The following CSMD1 variants were observed in gnomAD, a reference collection of about 807,000 sequenced individuals.
CSMD1 encodes CUB and Sushi multiple domains 1.
CSMD1 carries 213 observed loss-of-function variants against 417.5 expected under a neutral mutation model. The observed-to-expected ratio is 0.51, with a 90% CI of 0.46 to 0.57. CSMD1 has a LOEUF of 0.57. CSMD1 is among the 20% of genes least tolerant of loss of function. The pLI, the probability that CSMD1 is intolerant of heterozygous loss-of-function variation, is 0.00. For synonymous variants in CSMD1, 2,862 were observed against 1,736.8 expected (o/e 1.65, Z -16.11); for missense variants, 6,923 against 4,529.7 (o/e 1.53, Z -15.17).
intron 2 of CSMD1, among the ~76,000 whole-genome samples, chr8:4,535,479 GTA>G (rs1342082316): frequency 1.3e-5 from 2 of 152,174 alleles, no homozygotes; most frequent in East Asian, 3.9e-4. Flanking sequence ...TTTTGATGAA[GTA>G]TATGTGTTTC....
chr8:4,057,042 T>C (rs1250724261), intron 3 of CSMD1, among the ~76,000 whole-genome samples: 1 of 152,312 alleles, frequency 6.6e-6, no homozygotes, highest in African/African-American at 2.4e-5. Flanking sequence ...GTCCTTTGGG[T>C]ATGTACCCAG....
At chr8:3,705,666 C>T (rs1395701751) in intron 7 of CSMD1, among the ~76,000 whole-genome samples, 2 of 152,348 alleles carry the variant, frequency 1.3e-5, no homozygotes, top group African/African-American at 2.4e-5. Flanking sequence ...AGACATTTTC[C>T]ATAAATCTTC....
intron 26 of CSMD1, among the ~76,000 whole-genome samples, chr8:3,255,315 C>T (rs1415061155): frequency 6.6e-6 from 1 of 152,118 alleles, no homozygotes; most frequent in East Asian, 1.9e-4. Flanking sequence ...TCTCGGGGGA[C>T]AGGGACCCAC....
At chr8:3,486,830 C>T (rs1818064982) in intron 11 of CSMD1, among the ~76,000 whole-genome samples, 1 of 152,214 alleles carries the variant, frequency 6.6e-6, no homozygotes, top group South Asian at 2.1e-4. Context: ...TGCTGAAGCC[C>T]AGTGGTTTGT....
At chr8:3,883,293 G>C (rs562202608) in intron 5 of CSMD1, among the ~76,000 whole-genome samples, 1 of 152,050 alleles carries the variant, frequency 6.6e-6, no homozygotes, top group Non-Finnish European at 1.5e-5. Context: ...CATGTTTACT[G>C]TGAGAACTGA....
intron 7 of CSMD1, among the ~76,000 whole-genome samples, chr8:3,698,261 C>T (rs923166240): frequency 8.5e-5 from 13 of 152,134 alleles, no homozygotes; most frequent in Admixed American, 5.9e-4. Flanking sequence ...ATTTACTTAC[C>T]TGACTGATGA....
In CSMD1 at chr8:4,282,012, C is replaced by T. The variant is rs551076603; in HGVS notation, c.415+137941G>A. On this transcript the variant is annotated intron_variant, in intron 3 of 69. Transcript: ENST00000635120. The stretch of plus-strand genomic sequence containing the variant: ...CTATAGCAAGGTGAATTCATGTTCT[C>T]TTGAGATGTGATTAGCCTTTGTTAT... Among the ~76,000 whole-genome samples the T allele has an allele frequency of 3.9e-5, 6 of 152,292 alleles. No individual in the cohort carries two copies. The East Asian group carries it at 1.2e-3, about 29-fold the overall frequency.
intron 2 of CSMD1, among the ~76,000 whole-genome samples, chr8:4,473,391 T>A (rs1352146739): frequency 6.6e-6 from 1 of 152,188 alleles, no homozygotes; most frequent in Non-Finnish European, 1.5e-5. Flanking sequence ...CTTACCCCAT[T>A]CTCATTGTAG....
Position 3,658,325 on chromosome 8 carries a change from T to C in CSMD1, c.1010-41528A>G, listed in dbSNP as rs1798233242. Among the ~76,000 whole-genome samples the C allele has an allele frequency of 2.0e-5, 3 of 152,026 alleles. No homozygotes were observed. The South Asian group carries it at 6.2e-4, about 32-fold the overall frequency. On this transcript the variant is annotated intron_variant, in intron 7 of 69. Transcript: ENST00000635120. ...CAATGGATTTAGCATATAGATTTAC[T>C]TAAATCACTACTCAACTTTAAATAC... is the stretch of plus-strand genomic sequence containing the variant.
At chr8:4,540,969 A>G (rs1209513473) in intron 2 of CSMD1, among the ~76,000 whole-genome samples, 1 of 152,228 alleles carries the variant, frequency 6.6e-6, no homozygotes, top group African/African-American at 2.4e-5. Flanking sequence ...GGTTAATAGC[A>G]CAGGTAAAGG....
intron 3 of CSMD1, among the ~76,000 whole-genome samples, chr8:4,221,954 G>T (rs1285080732): frequency 1.3e-5 from 2 of 152,028 alleles, no homozygotes; most frequent in East Asian, 1.9e-4. Flanking sequence ...ACACTGTCCA[G>T]CACATCCATC....
intron 3 of CSMD1, among the ~76,000 whole-genome samples, chr8:4,043,636 T>C (rs1033012197): frequency 6.6e-6 from 1 of 152,232 alleles, no homozygotes; most frequent in African/African-American, 2.4e-5. Context: ...GAAATGCATT[T>C]TTTAATTCTA....
At chr8:3,684,341 T>C (rs915538051) in intron 7 of CSMD1, among the ~76,000 whole-genome samples, 3 of 146,336 alleles carry the variant, frequency 2.1e-5, no homozygotes, top group Non-Finnish European at 4.5e-5. Context: ...ATATATTATA[T>C]AAAACATACA....
At chr8:3,074,261 T>G (rs1425668828) in intron 49 of CSMD1, among the ~76,000 whole-genome samples, 1 of 152,152 alleles carries the variant, frequency 6.6e-6, no homozygotes, top group Non-Finnish European at 1.5e-5. Context: ...GCCTTCAATC[T>G]CTGACCAGTA....
At chr8:4,748,579 C>T (rs1179054664) in intron 1 of CSMD1, among the ~76,000 whole-genome samples, 1 of 152,146 alleles carries the variant, frequency 6.6e-6, no homozygotes, top group African/African-American at 2.4e-5. Flanking sequence ...GTTCAGCATT[C>T]TGAGAAGACT....
intron 26 of CSMD1, among the ~76,000 whole-genome samples, chr8:3,268,328 GCT>G (rs1392336347): frequency 1.1e-5 from 1 of 87,846 alleles, no homozygotes. Flanking sequence ...ACGGAGTTTT[GCT>G]CTGTCACCCA....
At chr8:3,187,254 T>G (rs77264236) in intron 36 of CSMD1, among the ~76,000 whole-genome samples, 5,471 of 152,214 alleles carry the variant, frequency 0.036, 159 homozygotes, top group East Asian at 0.18. Flanking sequence ...GTGTCATGCA[T>G]CTGGAGGCAG....
At chr8:4,037,620 T>C (rs905935701) in intron 3 of CSMD1, among the ~76,000 whole-genome samples, 3 of 151,916 alleles carry the variant, frequency 2.0e-5, no homozygotes, top group Non-Finnish European at 4.4e-5. Context: ...TTTAGGTCTC[T>C]TATATTTATC....
intron 5 of CSMD1, among the ~76,000 whole-genome samples, chr8:3,761,126 C>G (rs1026312261): frequency 1.3e-5 from 2 of 152,114 alleles, no homozygotes; most frequent in African/African-American, 4.8e-5. Context: ...GAAATCATTT[C>G]TCTCATGAAC....
Sources: gnomAD v4.1 joint callset for allele counts (sites outside exome capture counted in the v4.1 genomes callset) on GRCh38, gnomAD v4.1.1 for gene constraint, MANE v1.5 for transcripts, NCBI Gene and HGNC (gene_info 2026-07-23, HGNC 2026-07-21) for gene names.